TRIO: variants seen among roughly 807,000 people sequenced by gnomAD.
The protein encoded by TRIO is trio Rho guanine nucleotide exchange factor.
TRIO carries 58 observed loss-of-function variants against 351.9 expected under a neutral mutation model. That is an observed-to-expected ratio of 0.16 (90% CI 0.13 to 0.21). The LOEUF is 0.21. TRIO is among the 10% of genes least tolerant of loss of function. TRIO has a pLI of 1.00. For missense variants in TRIO, 3,201 were observed against 4,027.8 expected, an observed-to-expected ratio of 0.79 and a Z score of 5.56; for synonymous variants, 1,758 against 1,595.7, an observed-to-expected ratio of 1.10 and a Z score of -2.42.
Position 14,387,957 on chromosome 5 carries a change from T to C in TRIO, c.3881+110T>C, listed in dbSNP as rs941942980. 8 of 1,154,294 alleles carry C rather than the reference T, an allele frequency of 6.9e-6. No individual in the cohort carries two copies. In the African/African-American group the frequency reaches 7.7e-5, roughly 11 times the overall value. 71.5% of individuals were successfully genotyped at this position (1,154,294 alleles called of 1,614,324 possible). A position where few individuals can be genotyped will look rare whatever the true frequency, so the allele number is the denominator to read the frequency against. ...TTGAAGTCACATGGCACCCAGGCTT[T>C]TTGTTGCTCTGGGTGGACTTAGTTG... is the stretch of plus-strand genomic sequence containing the variant. On this transcript the variant is annotated intron_variant, in intron 23 of 56. Transcript: ENST00000344204.
intron 1 of TRIO, among the ~76,000 whole-genome samples, chr5:14,184,163 G>A (rs746704210): frequency 2.2e-4 from 34 of 152,202 alleles, no homozygotes; most frequent in Non-Finnish European, 4.6e-4. Flanking sequence ...GTAACGAAAC[G>A]CCTTGCAGAA....
intron 9 of TRIO, among the ~76,000 whole-genome samples, chr5:14,325,534 G>C (rs1269987514): frequency 6.6e-6 from 1 of 152,166 alleles, no homozygotes; most frequent in Non-Finnish European, 1.5e-5. Flanking sequence ...CCTTGAGGTG[G>C]TATCAGGCCA....
intron 1 of TRIO, among the ~76,000 whole-genome samples, chr5:14,224,261 T>A (rs1792837456): frequency 6.6e-6 from 1 of 152,140 alleles, no homozygotes; most frequent in African/African-American, 2.4e-5. Flanking sequence ...ACATACTGTT[T>A]AAGTAGAAAT....
intron 9 of TRIO, among the ~76,000 whole-genome samples, chr5:14,317,378 G>A (rs354916): frequency 0.045 from 6,879 of 152,264 alleles, 551 homozygotes; most frequent in African/African-American, 0.16. Flanking sequence ...TGATAGCCAT[G>A]TCCTTGCCCC....
intron 1 of TRIO, among the ~76,000 whole-genome samples, chr5:14,232,259 T>C (rs1793485410): frequency 6.6e-6 from 1 of 152,206 alleles, no homozygotes; most frequent in South Asian, 2.1e-4. Flanking sequence ...CATGCCCTCC[T>C]GCCATAGCCT....
chr5:14,147,746 C>T (rs1386648023), intron 1 of TRIO, among the ~76,000 whole-genome samples: 1 of 152,142 alleles, frequency 6.6e-6, no homozygotes, highest in African/African-American at 2.4e-5. Context: ...AGCTTTTCTT[C>T]ATATTTATAC....
At chr5:14,147,162 A>C (rs1787567702) in intron 1 of TRIO, among the ~76,000 whole-genome samples, 2 of 152,200 alleles carry the variant, frequency 1.3e-5, no homozygotes, top group South Asian at 2.1e-4. Flanking sequence ...AAAAAGAAAA[A>C]AAAAGACACC....
intron 11 of TRIO, among the ~76,000 whole-genome samples, chr5:14,341,535 G>A (rs1206058295): frequency 1.3e-5 from 2 of 152,208 alleles, no homozygotes; most frequent in African/African-American, 4.8e-5. Context: ...TGAAATAAGT[G>A]ATGTCTATTT....
Position 14,316,668 on chromosome 5 carries a change from G to T in TRIO, c.1656G>T (p.Glu552Asp). 6.2e-7 allele frequency: 1 copy of T among 1,614,210 alleles called. No individual in the cohort carries two copies. Among genetic ancestry groups the T allele is most frequent in the Non-Finnish European group, 8.5e-7 (1 of 1,180,038 alleles). The change falls in exon 9 of 57, where the codon GAG becomes GAT. Residue 552 changes from glutamate (E) to aspartate (D), a missense_variant. By Grantham distance (45) the Glu-to-Asp change is conservative. Transcript: ENST00000344204. Reference protein sequence around the residue: ...HEVLHHQRQLENIWQHRKVRL... With the variant: ...HEVLHHQRQLDNIWQHRKVRL... ...TGCTGCACCACCAGCGGCAGCTGGA[G>T]AACATCTGGCAACACCGCAAGGTCC... is the stretch of plus-strand genomic sequence containing the variant.
chr5:14,301,016 T>C (rs982099683), intron 7 of TRIO, among the ~76,000 whole-genome samples: 12 of 152,098 alleles, frequency 7.9e-5, no homozygotes, highest in Non-Finnish European at 1.8e-4. Context: ...TGCAGTTCAC[T>C]AGCTTCAAGG....
rs765365683 is a variant in TRIO at position 14,508,053 on chromosome 5, G to C, written c.8925G>C (p.Thr2975=). 1.9e-6 allele frequency: 3 copies of C among 1,614,196 alleles called. No homozygotes were observed. Among genetic ancestry groups the C allele is most frequent in the Non-Finnish European group, 2.5e-6 (3 of 1,180,032 alleles). ...LGNPVSLTSD[T]WSVGVLTYVL... ...ACCCTGTCTCCCTGACCTCGGATAC[G>C]TGGAGTGTTGGAGTGCTCACATACG... Residue 2975 remains threonine (T), a synonymous_variant, in exon 57 of 57, where the codon ACG becomes ACC. Coordinates refer to ENST00000344204, the MANE Select transcript of TRIO (RefSeq NM_007118.4).
At chr5:14,430,509 A>AG (rs1272880795) in intron 34 of TRIO, among the ~76,000 whole-genome samples, 1 of 152,118 alleles carries the variant, frequency 6.6e-6, no homozygotes, top group Non-Finnish European at 1.5e-5. Context: ...ATGGTGCCCC[A>AG]TACGCCTTCC....
intron 1 of TRIO, among the ~76,000 whole-genome samples, chr5:14,239,348 A>G (rs1332700387): frequency 6.6e-6 from 1 of 152,100 alleles, no homozygotes; most frequent in Non-Finnish European, 1.5e-5. Flanking sequence ...GTTGAAATGT[A>G]TAGAATAAGA....
chr5:14,162,332 TG>T (rs1325019587), intron 1 of TRIO, among the ~76,000 whole-genome samples: 1 of 152,178 alleles, frequency 6.6e-6, no homozygotes, highest in African/African-American at 2.4e-5. Flanking sequence ...TATTGTGTAG[TG>T]TTGAAGGAGA....
At chr5:14,376,720 A>C (rs1030233137) in intron 19 of TRIO, among the ~76,000 whole-genome samples, 1 of 152,246 alleles carries the variant, frequency 6.6e-6, no homozygotes, top group Non-Finnish European at 1.5e-5. Context: ...ATCTTTGTAC[A>C]AACAGTTTTG....
intron 52 of TRIO, 67 bp downstream of exon 52, chr5:14,498,318 A>G (rs774059909): frequency 3.0e-5 from 48 of 1,583,490 alleles, no homozygotes; most frequent in Non-Finnish European, 3.5e-5. Flanking sequence ...TGGCAACTGG[A>G]AATTCCTCCT....
chr5:14,508,586 G>A lies in TRIO; in HGVS notation c.*164G>A. 1.2e-6 allele frequency: 1 copy of A among 863,226 alleles called. No homozygotes were observed. Among genetic ancestry groups the A allele is most frequent in the Non-Finnish European group, 1.7e-6 (1 of 572,944 alleles). 53.5% of individuals were successfully genotyped at this position (863,226 alleles called of 1,614,324 possible). A position where few individuals can be genotyped will look rare whatever the true frequency, so the allele number is the denominator to read the frequency against. On this transcript the variant is annotated 3_prime_UTR_variant, in exon 57 of 57. Coordinates refer to ENST00000344204, the MANE Select transcript of TRIO (RefSeq NM_007118.4). ...CTCAGCAGTGCTTGGACACAGAGCT[G>A]CAAGCTGCGCTGGGGTGGAGGACCG...
intron 1 of TRIO, among the ~76,000 whole-genome samples, chr5:14,191,117 G>T (rs1790432071): frequency 6.6e-6 from 1 of 152,216 alleles, no homozygotes; most frequent in Non-Finnish European, 1.5e-5. Context: ...TTGACCAGCA[G>T]CCCCTGTTCA....
chr5:14,148,638 A>T (rs1314633390), intron 1 of TRIO, among the ~76,000 whole-genome samples: 1 of 152,202 alleles, frequency 6.6e-6, no homozygotes, highest in Admixed American at 6.5e-5. Context: ...TAACAGCGCC[A>T]CTGGCAGGAA....
Sources: allele counts gnomAD v4.1 joint callset (sites outside exome capture counted in the v4.1 genomes callset), GRCh38; gene constraint gnomAD v4.1.1; transcripts MANE v1.5; gene names NCBI Gene and HGNC (gene_info 2026-07-23, HGNC 2026-07-21).